Variants in QRFPR observed in about 807,000 individuals in gnomAD.
QRFPR encodes the protein pyroglutamylated RF-amide peptide receptor.
Under a neutral mutation model 31.3 loss-of-function variants are expected in QRFPR, and 37 were observed. The ratio of observed to expected loss-of-function variants is 1.18; its 90% CI spans 0.91 to 1.56. QRFPR has a LOEUF of 1.56. Ranked by LOEUF, QRFPR falls within the 40% of genes most tolerant of loss-of-function variation. QRFPR has a pLI of 0.00. For synonymous variants in QRFPR, 197 were observed against 192.0 expected, an observed-to-expected ratio of 1.03 and a Z score of -0.22; for missense variants, 542 against 532.5, an observed-to-expected ratio of 1.02 and a Z score of -0.18.
chr4:121,369,627 T>C, intron 1 of QRFPR: 4 of 1,608,626 alleles, frequency 2.5e-6, no homozygotes, highest in Non-Finnish European at 2.5e-6. Flanking sequence ...TAGGCCTGGG[T>C]GGCAAAACTT....
At chr4:121,354,168 C>T (rs1045419961) in intron 1 of QRFPR, among the ~76,000 whole-genome samples, 6 of 152,046 alleles carry the variant, frequency 3.9e-5, no homozygotes, top group Admixed American at 3.3e-4. Flanking sequence ...GTTCTTTTTG[C>T]TCGGGATGGC....
At position 121,365,537 on chromosome 4, in the gene QRFPR, ATATAT is replaced by A. The variant is rs1560743622; in HGVS notation, c.340+14766_340+14770del. Among the ~76,000 whole-genome samples, 40 of 8,496 alleles carry A rather than the reference ATATAT, an allele frequency of 4.7e-3. 4 individuals carry two copies. The highest frequency in any genetic ancestry group is 0.026 in the South Asian group (5 of 194). The allele number at this position is 8,496 out of a possible 152,430, so 5.6% of individuals were successfully genotyped here. On this transcript the variant is annotated intron_variant, in intron 1 of 5. Transcript: ENST00000394427. Reference sequence around the variant, plus strand: ...ATATATTATATATATTATATATAATATATATTATATATAATATATAATATATATTA... The same window carrying A: ...ATATATTATATATATTATATATAATATATATATAATATATAATATATATTA...
rs1441839438 is a variant in QRFPR, at chr4:121,353,756, C to T, written c.341-13146G>A. 2.6e-5 allele frequency among the ~76,000 whole-genome samples: 4 copies of T among 152,162 alleles called. No homozygotes were observed. The East Asian group carries it at 7.7e-4, about 29-fold the overall frequency. ...TCCATTCTTGCTTTGGTTGCCTGTG[C>T]TTTTGAGGTTTTACTCAAGAAATCT... On this transcript the variant is annotated intron_variant, in intron 1 of 5. Transcript: ENST00000394427.
intron 1 of QRFPR, chr4:121,369,733 A>G: frequency 1.2e-6 from 2 of 1,602,032 alleles, no homozygotes; most frequent in Admixed American, 3.3e-5. Flanking sequence ...CCATGGTGCT[A>G]GGATTTGGGC....
In QRFPR at chr4:121,379,626, C is replaced by T. The variant is rs78075766; in HGVS notation, c.340+682G>A. Among the ~76,000 whole-genome samples the T allele has an allele frequency of 2.0e-5, 3 of 152,036 alleles. No homozygotes were observed. The South Asian group carries it at 6.2e-4, about 32-fold the overall frequency. On this transcript the variant is annotated intron_variant, in intron 1 of 5. Coordinates refer to ENST00000394427, the MANE Select transcript of QRFPR (RefSeq NM_198179.3). ...CACCTCTCCTCTGTCATTTTTTTTC[C>T]CCCATTATACGGAAGGAGGAGAATG...
intron 2 of QRFPR, among the ~76,000 whole-genome samples, chr4:121,338,588 A>G (rs1156425484): frequency 6.6e-6 from 1 of 152,194 alleles, no homozygotes; most frequent in African/African-American, 2.4e-5. Context: ...TCTTCTTCCA[A>G]TATGGCCCAG....
chr4:121,330,814 A>C (rs1725307296), intron 4 of QRFPR, among the ~76,000 whole-genome samples: 1 of 152,206 alleles, frequency 6.6e-6, no homozygotes, highest in South Asian at 2.1e-4. Context: ...AGAAATTGAG[A>C]CACACAGAAG....
At chr4:121,356,731 C>CCT (rs975343524) in intron 1 of QRFPR, among the ~76,000 whole-genome samples, 14 of 151,966 alleles carry the variant, frequency 9.2e-5, no homozygotes, top group Admixed American at 8.5e-4. Context: ...CTCCAGCTCT[C>CCT]CTCTCTCTCT....
At chr4:121,347,943 T>C (rs1221699102) in intron 1 of QRFPR, among the ~76,000 whole-genome samples, 2 of 152,192 alleles carry the variant, frequency 1.3e-5, no homozygotes, top group East Asian at 3.8e-4. Flanking sequence ...TATTTATGTC[T>C]CTAAAGCATA....
chr4:121,370,227 GGGTC>G, intron 1 of QRFPR: 1 of 776,858 alleles, frequency 1.3e-6, no homozygotes. Context: ...CATGGGTGCA[GGGTC>G]CTTGAGGGTA....
rs767374244 is a variant in QRFPR, at chr4:121,380,421, A to G, written c.227T>C (p.Met76Thr). ...VFYVVTRSKA[M>T]RTVTNIFICS... ...GATAAAGATGTTGGTGACGGTGCGC[A>G]TGGCCTTGCTGCGGGTCACCACGTA... The change falls in exon 1 of 6, where the codon ATG (methionine) becomes ACG (threonine). Residue 76 changes from methionine (M) to threonine (T), a missense_variant. By Grantham distance (81) the Met-to-Thr change is moderately conservative (BLOSUM62 -1). Transcript: ENST00000394427. The G allele has an allele frequency of 1.9e-6, 3 of 1,614,230 alleles. No homozygotes were observed. Among genetic ancestry groups the G allele is most frequent in the South Asian group, 2.2e-5 (2 of 91,090 alleles).
chr4:121,378,890 C>G (rs568406591), intron 1 of QRFPR, among the ~76,000 whole-genome samples: 1 of 152,182 alleles, frequency 6.6e-6, no homozygotes, highest in African/African-American at 2.4e-5. Context: ...ACAAATGGAG[C>G]TATAATCATC....
chr4:121,355,979 A>G (rs1409549448), intron 1 of QRFPR, among the ~76,000 whole-genome samples: 1 of 152,146 alleles, frequency 6.6e-6, no homozygotes, highest in Non-Finnish European at 1.5e-5. Context: ...GTGGCCCAAC[A>G]TATGTCATAG....
chr4:121,345,759 T>C (rs1017251008), intron 1 of QRFPR, among the ~76,000 whole-genome samples: 8 of 152,336 alleles, frequency 5.3e-5, no homozygotes, highest in South Asian at 4.1e-4. Flanking sequence ...CCTTTTGCTC[T>C]CACTGAGAAC....
At chr4:121,336,759 T>G in intron 3 of QRFPR, 48 bp downstream of exon 3, 10 of 1,408,940 alleles carry the variant, frequency 7.1e-6, no homozygotes, top group Non-Finnish European at 1.0e-5. Context: ...TTAAGAGGGG[T>G]GAGAAAATAG....
At chr4:121,331,993 T>G (rs1725337047) in intron 4 of QRFPR, among the ~76,000 whole-genome samples, 3 of 152,152 alleles carry the variant, frequency 2.0e-5, no homozygotes, top group Admixed American at 1.3e-4. Context: ...TTCTTTCAAG[T>G]AAGTGGGAGG....
At chr4:121,370,099 G>A (rs1395411808) in intron 1 of QRFPR, 1 of 770,928 alleles carries the variant, frequency 1.3e-6, no homozygotes, top group East Asian at 2.4e-5. Context: ...CGATGACAGG[G>A]ACTGGCAGGG....
At chr4:121,333,664 G>A (rs1159399328) in intron 3 of QRFPR, among the ~76,000 whole-genome samples, 2 of 152,174 alleles carry the variant, frequency 1.3e-5, no homozygotes, top group South Asian at 2.1e-4. Flanking sequence ...GATTGTACCT[G>A]CTGGTTTATT....
intron 1 of QRFPR, among the ~76,000 whole-genome samples, chr4:121,377,078 G>A (rs1579594522): frequency 6.6e-6 from 1 of 152,226 alleles, no homozygotes. Context: ...GGAAGTCCAT[G>A]AATTATTTCT....
Sources: allele counts gnomAD v4.1 joint callset (sites outside exome capture counted in the v4.1 genomes callset), GRCh38; gene constraint gnomAD v4.1.1; transcripts MANE v1.5; gene names NCBI Gene and HGNC (gene_info 2026-07-23, HGNC 2026-07-21).